Variants in VSTM4 observed in about 807,000 individuals in gnomAD.
VSTM4 encodes the protein V-set and transmembrane domain-containing protein 4.
In VSTM4, 20 loss-of-function variants were observed where a neutral mutation model predicts 36.4. The ratio of observed to expected loss-of-function variants is 0.55; its 90% confidence interval spans 0.39 to 0.80. The LOEUF (loss-of-function observed/expected upper bound fraction) is 0.80. Ranked by LOEUF, VSTM4 falls within the 30% of genes least tolerant of loss-of-function variation. The probability of loss-of-function intolerance (pLI) is 0.00; values close to 1 mark genes in which losing one functional copy is unlikely to be tolerated. For synonymous variants in VSTM4, 182 were observed against 173.9 expected, an observed-to-expected ratio of 1.05 and a Z score of -0.37; for missense variants, 392 against 404.5, an observed-to-expected ratio of 0.97 and a Z score of 0.26.
chr10:49,042,410 T>A (rs968259185), intron 7 of VSTM4, among the ~76,000 whole-genome samples: 1 of 152,118 alleles, frequency 6.6e-6, no homozygotes, highest in South Asian at 2.1e-4. Flanking sequence ...AAAAGAAGAC[T>A]CTTTAAAAAA....
chr10:49,055,224 G>T (rs191786686), intron 5 of VSTM4, among the ~76,000 whole-genome samples: 4 of 152,276 alleles, frequency 2.6e-5, no homozygotes, highest in African/African-American at 9.6e-5. Context: ...AGCTCTTCTT[G>T]CTCCACACAT....
chr10:49,039,783 C>G (rs941995894), intron 7 of VSTM4, among the ~76,000 whole-genome samples: 1 of 152,222 alleles, frequency 6.6e-6, no homozygotes, highest in Non-Finnish European at 1.5e-5. Flanking sequence ...ATTCAGGTAA[C>G]AGTCCTGTGT....
chr10:49,115,309 G>GC, intron 1 of VSTM4, 122 bp downstream of exon 1: 1 of 639,558 alleles, frequency 1.6e-6, no homozygotes, highest in Non-Finnish European at 2.0e-6. Context: ...CAGTGACAGC[G>GC]CCGCCCCCCG....
intron 1 of VSTM4, among the ~76,000 whole-genome samples, chr10:49,110,723 C>T (rs1351536124): frequency 6.6e-6 from 1 of 151,944 alleles, no homozygotes; most frequent in African/African-American, 2.4e-5. Flanking sequence ...GAGGGAAGAC[C>T]CTGTGAAGAC....
intron 2 of VSTM4, among the ~76,000 whole-genome samples, chr10:49,091,294 C>A (rs1844469221): frequency 1.3e-5 from 2 of 152,166 alleles, no homozygotes; most frequent in Admixed American, 6.5e-5. Context: ...GAGCTACAGG[C>A]CACTCTGGGG....
At chr10:49,056,207 G>T (rs536983161) in intron 5 of VSTM4, among the ~76,000 whole-genome samples, 3 of 152,246 alleles carry the variant, frequency 2.0e-5, no homozygotes, top group African/African-American at 7.2e-5. Flanking sequence ...TCCTGCAGCC[G>T]CGAGGGAAGC....
chr10:49,029,204 A>G (rs1301925247), intron 7 of VSTM4, among the ~76,000 whole-genome samples: 4 of 152,244 alleles, frequency 2.6e-5, no homozygotes, highest in African/African-American at 9.6e-5. Context: ...CATGCCTTGG[A>G]TATGAACTTG....
intron 2 of VSTM4, among the ~76,000 whole-genome samples, chr10:49,096,564 G>T (rs1045005248): frequency 6.6e-6 from 1 of 150,728 alleles, no homozygotes; most frequent in African/African-American, 2.5e-5. Flanking sequence ...TGGCTCAGAA[G>T]GTTAGACTGC....
At position 49,115,446 on chromosome 10, in the gene VSTM4, G is replaced by A; in HGVS notation, c.40C>T (p.Arg14Trp). 2 of 1,042,160 alleles carry A rather than the reference G, an allele frequency of 1.9e-6. No individual in the cohort carries two copies. Among genetic ancestry groups the A allele is most frequent in the Admixed American group, 4.4e-5 (1 of 22,934 alleles). 64.6% of individuals were successfully genotyped at this position (1,042,160 alleles called of 1,614,324 possible). A position where few individuals can be genotyped will look rare whatever the true frequency, so the allele number is the denominator to read the frequency against. ...CCGCGCTTACCCGGAGCCGGAGCCC[G>A]CGCCAGCAGCGCGGCCGCCGCCAGT... ...LALAAAALLA[R>W]APAPEVCAAL... The change falls in exon 1 of 8, where the codon CGG becomes TGG. Residue 14 changes from arginine (R) to tryptophan (W), a missense_variant. Coordinates refer to ENST00000332853, the MANE Select transcript of VSTM4 (RefSeq NM_001031746.5).
chr10:49,072,812 T>C (rs917917701), intron 4 of VSTM4, among the ~76,000 whole-genome samples: 1 of 152,228 alleles, frequency 6.6e-6, no homozygotes, highest in Non-Finnish European at 1.5e-5. Context: ...TCTCCAGTCC[T>C]GGTCAACTTC....
chr10:49,091,040 G>C (rs549613172), intron 2 of VSTM4, among the ~76,000 whole-genome samples: 1 of 152,298 alleles, frequency 6.6e-6, no homozygotes, highest in South Asian at 2.1e-4. Context: ...AACTGTTCAG[G>C]GAAGTAGAAG....
chr10:49,039,076 C>A (rs77281622), intron 7 of VSTM4, among the ~76,000 whole-genome samples: 1,560 of 152,234 alleles, frequency 0.01, 43 homozygotes, highest in South Asian at 0.057. Context: ...AGGTCACTGA[C>A]GTGAACAGGC....
intron 4 of VSTM4, among the ~76,000 whole-genome samples, chr10:49,069,356 C>T (rs1308955522): frequency 1.3e-5 from 2 of 152,212 alleles, no homozygotes; most frequent in Non-Finnish European, 2.9e-5. Context: ...CAAGTGTCTG[C>T]ACTCGAGGCA....
chr10:49,075,354 T>G (rs1019355296), intron 4 of VSTM4, among the ~76,000 whole-genome samples: 1 of 152,246 alleles, frequency 6.6e-6, no homozygotes, highest in African/African-American at 2.4e-5. Context: ...ACTGCCTATG[T>G]GGCTTCCACA....
At chr10:49,026,497 A>G (rs1843263992) in intron 7 of VSTM4, among the ~76,000 whole-genome samples, 3 of 152,252 alleles carry the variant, frequency 2.0e-5, no homozygotes, top group Admixed American at 2.0e-4. Flanking sequence ...AATCTGTTTC[A>G]AGATAAAGTG....
Position 49,029,826 on chromosome 10 carries a change from CT to C in VSTM4, c.838-10052del, listed in dbSNP as rs1232099743. Among the ~76,000 whole-genome samples, 5 of 152,366 alleles carry C rather than the reference CT, an allele frequency of 3.3e-5. No homozygotes were observed. The East Asian group carries it at 9.6e-4, about 29-fold the overall frequency. On this transcript the variant is annotated intron_variant, in intron 7 of 7. Coordinates refer to ENST00000332853, the MANE Select transcript of VSTM4 (RefSeq NM_001031746.5). The stretch of plus-strand genomic sequence containing the variant: ...CCCATCCTCATCAGAGGCAGGAGCC[CT>C]GGCTTGGTGTGGAGAAACAGAAGAC...
At chr10:49,075,449 G>T (rs1245353479) in intron 4 of VSTM4, among the ~76,000 whole-genome samples, 1 of 152,256 alleles carries the variant, frequency 6.6e-6, no homozygotes. Context: ...CACATTCCAA[G>T]GAGAATGAAT....
At chr10:49,024,418 G>A (rs1843226884) in intron 7 of VSTM4, among the ~76,000 whole-genome samples, 1 of 152,168 alleles carries the variant, frequency 6.6e-6, no homozygotes. Flanking sequence ...CTGCAATAAA[G>A]GGAAATTCTT....
chr10:49,093,110 G>A (rs1230011187), intron 2 of VSTM4, among the ~76,000 whole-genome samples: 5 of 152,274 alleles, frequency 3.3e-5, no homozygotes, highest in African/African-American at 9.6e-5. Context: ...GCACGAACCC[G>A]GGATACAGAA....
Sources: gnomAD v4.1 joint callset for allele counts (sites outside exome capture counted in the v4.1 genomes callset) on GRCh38, gnomAD v4.1.1 for gene constraint, MANE v1.5 for transcripts, NCBI Gene and HGNC (gene_info 2026-07-23, HGNC 2026-07-21) for gene names.